The following TULP4 variants were observed in gnomAD, a reference collection of about 807,000 sequenced individuals.
The protein encoded by TULP4 is tubby-related protein 4.
TULP4 carries 16 observed loss-of-function variants against 129.0 expected under a neutral mutation model. The ratio of observed to expected loss-of-function variants is 0.12; its 90% CI spans 0.08 to 0.19. The LOEUF (loss-of-function observed/expected upper bound fraction) is 0.19. TULP4 is among the 10% of genes least tolerant of loss of function. The pLI, the probability that TULP4 is intolerant of heterozygous loss-of-function variation, is 1.00. For synonymous variants in TULP4, 998 were observed against 854.0 expected, an observed-to-expected ratio of 1.17 and a Z score of -2.94; for missense variants, 1,842 against 2,059.1, an observed-to-expected ratio of 0.89 and a Z score of 2.04.
intron 1 of TULP4, among the ~76,000 whole-genome samples, chr6:158,351,488 T>A (rs1780518345): frequency 6.6e-6 from 1 of 152,166 alleles, no homozygotes; most frequent in Non-Finnish European, 1.5e-5. Flanking sequence ...TTGTATTGCC[T>A]GTTTACAAGT....
rs562032451 is a variant in TULP4 at position 158,350,172 on chromosome 6, G to A, written c.252+35904G>A. On this transcript the variant is annotated intron_variant, in intron 1 of 13. Coordinates refer to ENST00000367097, the MANE Select transcript of TULP4 (RefSeq NM_020245.5). Reference sequence around the variant, plus strand: ...CTCCTCACTTCCTCCCAGACGGGGCGGCCGGGCAGAGGCTCTCCTCACTTC... The same window carrying A: ...CTCCTCACTTCCTCCCAGACGGGGCAGCCGGGCAGAGGCTCTCCTCACTTC... Among the ~76,000 whole-genome samples the A allele has an allele frequency of 1.7e-3, 252 of 151,304 alleles. 1 individual carries two copies. Among genetic ancestry groups the A allele is most frequent in the Middle Eastern group, 3.4e-3 (1 of 292 alleles).
At chr6:158,356,808 G>A (rs1391328355) in intron 1 of TULP4, among the ~76,000 whole-genome samples, 2 of 151,416 alleles carry the variant, frequency 1.3e-5, no homozygotes, top group East Asian at 3.9e-4. Flanking sequence ...GGAGGCTGGT[G>A]TAAGGAGGAG....
At chr6:158,306,690 T>C (rs1251998910) in intron 1 of TULP4, among the ~76,000 whole-genome samples, 1 of 152,224 alleles carries the variant, frequency 6.6e-6, no homozygotes, top group Non-Finnish European at 1.5e-5. Context: ...GGAACTTTTG[T>C]TTTTGTGGTT....
chr6:158,239,413 T>C (rs1391359235), intron 1 of TULP4, among the ~76,000 whole-genome samples: 3 of 51,354 alleles, frequency 5.8e-5, no homozygotes, highest in Non-Finnish European at 8.6e-5. Context: ...GGCGGGGGGC[T>C]GACCCCCCCA....
intron 2 of TULP4, among the ~76,000 whole-genome samples, chr6:158,421,727 A>G (rs1244926060): frequency 6.6e-6 from 1 of 152,198 alleles, no homozygotes; most frequent in Non-Finnish European, 1.5e-5. Flanking sequence ...TTGTAGGGCC[A>G]TTTCAAAATA....
chr6:158,264,961 C>T (rs1393027610), intron 1 of TULP4, among the ~76,000 whole-genome samples: 1 of 152,228 alleles, frequency 6.6e-6, no homozygotes, highest in African/African-American at 2.4e-5. Context: ...AGCAGAAAAG[C>T]ATCTGTGAGG....
At chr6:158,246,102 A>G (rs1299826652) in intron 1 of TULP4, among the ~76,000 whole-genome samples, 6 of 150,710 alleles carry the variant, frequency 4.0e-5, no homozygotes, top group Admixed American at 4.0e-4. Flanking sequence ...ACCATATAGA[A>G]TGGGGACGGA....
chr6:158,401,807 AC>A (rs1014137797), intron 1 of TULP4, among the ~76,000 whole-genome samples: 5 of 146,948 alleles, frequency 3.4e-5, no homozygotes, highest in African/African-American at 1.2e-4. Context: ...ACACCTCCTC[AC>A]TTTTTTTTTT....
At position 158,481,147 on chromosome 6, in the gene TULP4, G is replaced by A. The variant is rs1304889503; in HGVS notation, c.1344G>A (p.Glu448=). Residue 448 remains glutamate, a synonymous_variant, in exon 8 of 14, where the codon GAG becomes GAA. Coordinates refer to ENST00000367097, the MANE Select transcript of TULP4 (RefSeq NM_020245.5). ...TGCACTGCACCATGAAGCGCACAGA[G>A]GACGACCCGGAGGTGGGCGGCCCGT... ...ERLHCTMKRT[E]DDPEVGGPCY... 2 of 1,613,980 alleles carry A rather than the reference G, an allele frequency of 1.2e-6. No homozygotes were observed. Among genetic ancestry groups the A allele is most frequent in the South Asian group, 1.1e-5 (1 of 91,062 alleles).
intron 1 of TULP4, among the ~76,000 whole-genome samples, chr6:158,284,233 C>T (rs1412052339): frequency 6.6e-6 from 1 of 152,062 alleles, no homozygotes; most frequent in Non-Finnish European, 1.5e-5. Flanking sequence ...GGCTGGAAAA[C>T]AAAACAAAAA....
chr6:158,494,915 A>G (rs1780297793), intron 11 of TULP4, 69 bp downstream of exon 11: 1 of 1,359,320 alleles, frequency 7.4e-7, no homozygotes, highest in African/African-American at 1.4e-5. Flanking sequence ...TTCCACCTTT[A>G]GTGGCTTAAA....
chr6:158,339,964 A>G (rs9364956), intron 1 of TULP4, among the ~76,000 whole-genome samples: 131,906 of 152,208 alleles, frequency 0.87, 57,531 homozygotes, highest in South Asian at 0.93. Flanking sequence ...CACAATTTAT[A>G]TTCTTCTGCC....
intron 8 of TULP4, among the ~76,000 whole-genome samples, chr6:158,481,725 C>G (rs1433091403): frequency 2.6e-5 from 4 of 152,278 alleles, no homozygotes; most frequent in South Asian, 2.1e-4. Context: ...CCTCCCTAGT[C>G]TACTGTTAAC....
intron 1 of TULP4, among the ~76,000 whole-genome samples, chr6:158,326,460 A>T (rs1045289028): frequency 6.6e-6 from 1 of 152,160 alleles, no homozygotes; most frequent in Non-Finnish European, 1.5e-5. Flanking sequence ...CATCTTGGGA[A>T]TTCTCTTTGC....
At chr6:158,474,910 A>ATTCTCT (rs1435814693) in intron 6 of TULP4, among the ~76,000 whole-genome samples, 1 of 152,190 alleles carries the variant, frequency 6.6e-6, no homozygotes, top group Non-Finnish European at 1.5e-5. Context: ...ACCTGTATTT[A>ATTCTCT]TTCTCTCCCT....
chr6:158,378,650 G>C (rs970985935), intron 1 of TULP4, among the ~76,000 whole-genome samples: 2 of 151,700 alleles, frequency 1.3e-5, no homozygotes, highest in African/African-American at 4.8e-5. Flanking sequence ...GTGCCCGGCT[G>C]ATTTTTGTAT....
intron 1 of TULP4, among the ~76,000 whole-genome samples, chr6:158,384,052 A>G (rs2114923232): frequency 6.6e-6 from 1 of 152,334 alleles, no homozygotes; most frequent in South Asian, 2.1e-4. Context: ...CTGCCCAGTC[A>G]GGTTGGTGGG....
intron 3 of TULP4, among the ~76,000 whole-genome samples, chr6:158,448,628 C>A (rs59182060): frequency 0.096 from 14,589 of 152,114 alleles, 738 homozygotes; most frequent in African/African-American, 0.12. Flanking sequence ...CAAATCTCTG[C>A]TGCTTCTTCG....
chr6:158,431,668 G>A (rs999950358), intron 3 of TULP4, among the ~76,000 whole-genome samples: 2 of 152,148 alleles, frequency 1.3e-5, no homozygotes, highest in Admixed American at 6.5e-5. Flanking sequence ...TCTGGGGTAC[G>A]TTGTTCCAGG....
Sources: allele counts gnomAD v4.1 joint callset (sites outside exome capture counted in the v4.1 genomes callset), GRCh38; gene constraint gnomAD v4.1.1; transcripts MANE v1.5; gene names NCBI Gene and HGNC (gene_info 2026-07-23, HGNC 2026-07-21).